Variants in NPHP4 observed in about 807,000 individuals in gnomAD.
The protein encoded by NPHP4 is nephrocystin-4.
In NPHP4, 151 loss-of-function variants were observed where a neutral mutation model predicts 155.8. The observed-to-expected ratio is 0.97, with a 90% CI of 0.85 to 1.11. The LOEUF is 1.11. Ranked by LOEUF, NPHP4 falls within the 50% of genes least tolerant of loss-of-function variation. The pLI, the probability that NPHP4 is intolerant of heterozygous loss-of-function variation, is 0.00. For missense variants in NPHP4, 1,956 were observed against 1,925.7 expected, an observed-to-expected ratio of 1.02 and a Z score of -0.29; for synonymous variants, 845 against 816.8, an observed-to-expected ratio of 1.03 and a Z score of -0.59.
intron 9 of NPHP4, among the ~76,000 whole-genome samples, chr1:5,935,745 G>A (rs954151106): frequency 2.0e-5 from 3 of 152,112 alleles, no homozygotes; most frequent in African/African-American, 7.2e-5. Flanking sequence ...CATGGTTGTA[G>A]GCACCTGTAA....
chr1:5,936,149 AG>A (rs1350512137), intron 9 of NPHP4, among the ~76,000 whole-genome samples: 2 of 152,204 alleles, frequency 1.3e-5, no homozygotes, highest in African/African-American at 4.8e-5. Flanking sequence ...CTCTGTGCAA[AG>A]TATCTGTCAG....
intron 16 of NPHP4, among the ~76,000 whole-genome samples, chr1:5,897,343 ACT>A (rs1644443057): frequency 6.6e-6 from 1 of 152,042 alleles, no homozygotes; most frequent in Non-Finnish European, 1.5e-5. Context: ...AAGGGAAAAA[ACT>A]CTCTTTCTAC....
At chr1:5,978,785 C>T (rs1441638976) in intron 2 of NPHP4, among the ~76,000 whole-genome samples, 3 of 152,152 alleles carry the variant, frequency 2.0e-5, no homozygotes, top group Non-Finnish European at 2.9e-5. Flanking sequence ...CCTGAGACCT[C>T]GCTCAAGCCA....
intron 5 of NPHP4, among the ~76,000 whole-genome samples, chr1:5,964,941 A>ATATATTTTTTTTTTTTTTTTTT: frequency 8.4e-5 from 5 of 59,428 alleles, no homozygotes; most frequent in African/African-American, 3.4e-4. Context: ...ATATATATAT[A>ATATATTTTTTTTTTTTTTTTTT]TTTTTTTTTT....
intron 22 of NPHP4, 93 bp downstream of exon 22, chr1:5,874,378 G>A: frequency 8.0e-7 from 1 of 1,242,826 alleles, no homozygotes; most frequent in South Asian, 1.5e-5. Context: ...GTCTGCACAG[G>A]TAAGGGAGGG....
chr1:5,885,171 C>A (rs1643680012), intron 18 of NPHP4, among the ~76,000 whole-genome samples: 1 of 148,780 alleles, frequency 6.7e-6, no homozygotes, highest in Middle Eastern at 3.6e-3. Context: ...TCCTACTCGA[C>A]AACCAAGATC....
chr1:5,866,358 A>G lies in NPHP4; in HGVS notation c.3644+15T>C. 1 of 1,568,360 alleles carries G rather than the reference A, an allele frequency of 6.4e-7. No individual in the cohort carries two copies. Among genetic ancestry groups the G allele is most frequent in the Non-Finnish European group, 8.7e-7 (1 of 1,144,000 alleles). On this transcript the variant is annotated intron_variant, in intron 26 of 29. Transcript: ENST00000378156. ...TCCGCCACCGCCTCCAGGTCCCCAA[A>G]GCCTGTGCACTTACGAGTAAATGAT...
In NPHP4 at chr1:5,874,962, C is replaced by T. The variant is rs370946873; in HGVS notation, c.2956G>A (p.Gly986Arg). ...ACAAACTCAAAGAACTCGGCGACCCCCAGCGTGGCGTGGAGCGTGTGCTCC... is the reference window on the plus strand; with the variant it reads ...ACAAACTCAAAGAACTCGGCGACCCTCAGCGTGGCGTGGAGCGTGTGCTCC... ...TTEHTLHATLGVAEFFEFVLK... is the reference protein window; with the variant it reads ...TTEHTLHATLRVAEFFEFVLK... Residue 986 changes from glycine (G) to arginine (R), a missense_variant, in exon 21 of 30, where the codon GGG becomes AGG. Coordinates refer to ENST00000378156, the MANE Select transcript of NPHP4 (RefSeq NM_015102.5). 2.5e-6 allele frequency: 4 copies of T among 1,613,232 alleles called. No individual in the cohort carries two copies. In the African/African-American group the frequency reaches 5.3e-5, roughly 22 times the overall value.
At chr1:5,934,170 C>T (rs1318589675) in intron 9 of NPHP4, among the ~76,000 whole-genome samples, 1 of 152,186 alleles carries the variant, frequency 6.6e-6, no homozygotes, top group African/African-American at 2.4e-5. Context: ...AGGTGATCAG[C>T]TCTGAACCAA....
At chr1:5,976,957 C>T (rs1457222036) in intron 3 of NPHP4, among the ~76,000 whole-genome samples, 3 of 152,160 alleles carry the variant, frequency 2.0e-5, no homozygotes, top group South Asian at 2.1e-4. Context: ...CCACTGTCAC[C>T]GCCACTGTTA....
intron 23 of NPHP4, among the ~76,000 whole-genome samples, chr1:5,871,273 G>A (rs1641973038): frequency 6.6e-6 from 1 of 152,178 alleles, no homozygotes; most frequent in Admixed American, 6.5e-5. Flanking sequence ...AGGCACAGGA[G>A]TTAACTTGAA....
chr1:5,981,039 GCTCT>G (rs1188639908), intron 2 of NPHP4, among the ~76,000 whole-genome samples: 1 of 152,170 alleles, frequency 6.6e-6, no homozygotes, highest in African/African-American at 2.4e-5. Flanking sequence ...TACAACGTGA[GCTCT>G]CTGAGGACAC....
chr1:5,894,070 T>C (rs1644274340), intron 16 of NPHP4, among the ~76,000 whole-genome samples: 1 of 152,208 alleles, frequency 6.6e-6, no homozygotes, highest in Non-Finnish European at 1.5e-5. Context: ...ACATCTAAGA[T>C]CTATATCTGG....
chr1:5,974,888 G>T (rs1376112803), intron 3 of NPHP4, among the ~76,000 whole-genome samples: 2 of 152,124 alleles, frequency 1.3e-5, no homozygotes, highest in Admixed American at 6.5e-5. Flanking sequence ...CGCTCCAAAT[G>T]CGGTCCCCTG....
chr1:5,986,833 G>A (rs1412662908), intron 1 of NPHP4, among the ~76,000 whole-genome samples: 2 of 152,150 alleles, frequency 1.3e-5, no homozygotes, highest in Non-Finnish European at 2.9e-5. Context: ...ATGAAGGGAT[G>A]TTTTATTCAG....
chr1:5,873,329 G>A lies in NPHP4; in HGVS notation c.3238C>T (p.Pro1080Ser). 1 of 1,613,846 alleles carries A rather than the reference G, an allele frequency of 6.2e-7. No individual in the cohort carries two copies. The highest frequency in any genetic ancestry group is 8.5e-7 in the Non-Finnish European group (1 of 1,179,764). Residue 1080 changes from proline (P) to serine (S), a missense_variant, in exon 23 of 30, where the codon CCT (proline) becomes TCT (serine). Physicochemically the swap from Pro to Ser is moderately conservative, Grantham distance 74 (BLOSUM62 -1). Transcript: ENST00000378156. ...AGQLAMVQAS[P>S]GLSNEKGMDA... is the part of the protein sequence containing the mutation. ...ATGCCCTTCTCGTTGCTCAACCCAG[G>A]AGAGGCCTGCAGGAACCGAACAGCA...
chr1:5,896,650 C>A (rs560135660), intron 16 of NPHP4, among the ~76,000 whole-genome samples: 1 of 152,156 alleles, frequency 6.6e-6, no homozygotes, highest in African/African-American at 2.4e-5. Context: ...TCAACATGAA[C>A]TCACATTTTA....
chr1:5,960,014 C>T (rs1404925491), intron 6 of NPHP4, among the ~76,000 whole-genome samples: 1 of 152,232 alleles, frequency 6.6e-6, no homozygotes, highest in Non-Finnish European at 1.5e-5. Flanking sequence ...CCCTCCCTGG[C>T]CAGCAGAACA....
chr1:5,960,045 C>T (rs916574127), intron 6 of NPHP4, among the ~76,000 whole-genome samples: 10 of 152,250 alleles, frequency 6.6e-5, no homozygotes, highest in East Asian at 1.9e-4. Flanking sequence ...GGACAAGCCA[C>T]GGACCAGGTC....
Sources: gnomAD v4.1 joint callset for allele counts (sites outside exome capture counted in the v4.1 genomes callset) on GRCh38, gnomAD v4.1.1 for gene constraint, MANE v1.5 for transcripts, NCBI Gene and HGNC (gene_info 2026-07-23, HGNC 2026-07-21) for gene names.